SYTL3: variants seen among roughly 807,000 people sequenced by gnomAD.
SYTL3 encodes the protein synaptotagmin like 3, also known as synaptotagmin-like protein 3.
Under a neutral mutation model 82.1 loss-of-function variants are expected in SYTL3, and 88 were observed. The ratio of observed to expected loss-of-function variants is 1.07; its 90% CI spans 0.90 to 1.28. The LOEUF (loss-of-function observed/expected upper bound fraction) is 1.28. Among genes scored for constraint, SYTL3 ranks in the 50% most tolerant of loss-of-function variants. The pLI is 0.00. For missense variants in SYTL3, 831 were observed against 757.6 expected (o/e 1.10, Z -1.14); for synonymous variants, 311 against 289.4 (o/e 1.07, Z -0.76).
rs766121642 is a variant in SYTL3, at chr6:158,665,567, C to A, written c.283C>A (p.Leu95Met). 148 of 1,580,338 alleles carry A rather than the reference C, an allele frequency of 9.4e-5. 4 individuals carry two copies. In the South Asian group the frequency reaches 1.7e-3, roughly 18 times the overall value. ...CGTGTGTGCCCAGTGCCGAGTGTTC[C>A]TGAGGGGGACCCATGCCTGGAAGTG... ...HRVCAQCRVF[L>M]RGTHAWKCTV... is the part of the protein sequence containing the mutation. The change falls in exon 5 of 18, where the codon CTG becomes ATG. Residue 95 changes from leucine to methionine, a missense_variant. By Grantham distance (15) the Leu-to-Met change is conservative. Coordinates refer to ENST00000611299, the MANE Select transcript of SYTL3 (RefSeq NM_001242394.2).
chr6:158,701,009 A>G (rs1397739074), intron 6 of SYTL3, among the ~76,000 whole-genome samples: 1 of 152,228 alleles, frequency 6.6e-6, no homozygotes, highest in Non-Finnish European at 1.5e-5. Flanking sequence ...GTCCTCAAAA[A>G]GGGGAGAGAC....
rs376317695 is a variant in SYTL3 at position 158,764,674 on chromosome 6, C to T, written c.*70C>T. ...GTGCGTCTGCAGAGGGGCTACGAAC[C>T]AGGTGCAGGGTCCCAGCTGGAGACC... On this transcript the variant is annotated 3_prime_UTR_variant, in exon 18 of 18. Transcript: ENST00000611299. The T allele has an allele frequency of 3.8e-5, 43 of 1,143,300 alleles. No individual in the cohort carries two copies. The East Asian group carries it at 4.7e-4, about 13-fold the overall frequency. 70.8% of individuals were successfully genotyped at this position (1,143,300 alleles called of 1,614,324 possible).
At chr6:158,738,887 A>C (rs1786546711) in intron 11 of SYTL3, among the ~76,000 whole-genome samples, 1 of 152,060 alleles carries the variant, frequency 6.6e-6, no homozygotes, top group African/African-American at 2.4e-5. Context: ...TGAACTCTTG[A>C]CCTCTAGCGA....
rs867885164 is a variant in SYTL3 at position 158,718,052 on chromosome 6, G to A, written c.596-35G>A. The A allele has an allele frequency of 3.4e-6, 5 of 1,482,242 alleles. No homozygotes were observed. The Middle Eastern group carries it at 5.3e-4, about 157-fold the overall frequency. The allele number at this position is 1,482,242 out of a possible 1,614,324, so 91.8% of individuals were successfully genotyped here. A position where few individuals can be genotyped will look rare whatever the true frequency, so the allele number is the denominator to read the frequency against. ...CCCACAAGTCTCAGCAAAGCTGCTT[G>A]TTCCCACCCATCAACCCTTGTGTTT... On this transcript the variant is annotated intron_variant, in intron 9 of 17. Transcript: ENST00000611299.
At chr6:158,738,709 G>C (rs1013612738) in intron 11 of SYTL3, among the ~76,000 whole-genome samples, 1 of 152,198 alleles carries the variant, frequency 6.6e-6, no homozygotes, top group Non-Finnish European at 1.5e-5. Context: ...CCAGGCTGGA[G>C]TACAGTGGTG....
intron 8 of SYTL3, among the ~76,000 whole-genome samples, chr6:158,713,281 G>T (rs1201168840): frequency 1.3e-5 from 2 of 152,122 alleles, no homozygotes; most frequent in African/African-American, 4.8e-5. Context: ...ATAAGGAAGT[G>T]AACTCCTTTC....
chr6:158,758,233 G>A (rs1789404521), intron 14 of SYTL3, among the ~76,000 whole-genome samples: 1 of 152,148 alleles, frequency 6.6e-6, no homozygotes, highest in South Asian at 2.1e-4. Context: ...AAGGTCAGGA[G>A]ATTGAGACCA....
chr6:158,685,889 C>T (rs1257768278), intron 6 of SYTL3, among the ~76,000 whole-genome samples: 1 of 152,208 alleles, frequency 6.6e-6, no homozygotes, highest in African/African-American at 2.4e-5. Flanking sequence ...AAGGTAGACT[C>T]TACCCTTTTC....
chr6:158,727,955 G>C (rs1301650301), intron 11 of SYTL3, among the ~76,000 whole-genome samples: 1 of 152,322 alleles, frequency 6.6e-6, no homozygotes, highest in South Asian at 2.1e-4. Flanking sequence ...GAACTTGGAA[G>C]TGATATTTTA....
chr6:158,696,433 G>T (rs74859389), intron 6 of SYTL3, among the ~76,000 whole-genome samples: 7,259 of 150,210 alleles, frequency 0.048, 483 homozygotes, highest in African/African-American at 0.15. Flanking sequence ...TTCATCTCCT[G>T]ACCTCGTGAT....
At chr6:158,668,204 C>G (rs903954863) in intron 5 of SYTL3, among the ~76,000 whole-genome samples, 3 of 148,222 alleles carry the variant, frequency 2.0e-5, no homozygotes, top group Admixed American at 1.4e-4. Flanking sequence ...TGCTAGGAGC[C>G]TTGTCCTGGG....
chr6:158,686,388 A>G (rs1202034320), intron 6 of SYTL3, among the ~76,000 whole-genome samples: 1 of 152,152 alleles, frequency 6.6e-6, no homozygotes, highest in African/African-American at 2.4e-5. Context: ...TGCTTCCTCA[A>G]ATGCCAGGGT....
intron 11 of SYTL3, among the ~76,000 whole-genome samples, chr6:158,739,802 A>G (rs1012575326): frequency 7.2e-5 from 11 of 152,084 alleles, no homozygotes; most frequent in African/African-American, 2.4e-4. Context: ...GGCATGAACC[A>G]TGGTATTTGG....
intron 13 of SYTL3, among the ~76,000 whole-genome samples, chr6:158,752,907 C>G (rs1788567993): frequency 6.6e-6 from 1 of 152,050 alleles, no homozygotes; most frequent in Non-Finnish European, 1.5e-5. Context: ...TGGCCAAGTG[C>G]TTTATATACA....
intron 13 of SYTL3, among the ~76,000 whole-genome samples, chr6:158,754,641 A>G (rs1788834079): frequency 6.6e-6 from 1 of 152,246 alleles, no homozygotes; most frequent in Non-Finnish European, 1.5e-5. Context: ...AATGGCGTGA[A>G]CCTGGAAGGC....
intron 6 of SYTL3, 64 bp downstream of exon 6, chr6:158,683,053 G>C (rs142625913): frequency 7.9e-7 from 1 of 1,261,322 alleles, no homozygotes; most frequent in East Asian, 2.4e-5. Context: ...AATATTTGAT[G>C]TTAAGACTTT....
intron 6 of SYTL3, among the ~76,000 whole-genome samples, chr6:158,696,556 A>G (rs568065626): frequency 6.6e-6 from 1 of 152,038 alleles, no homozygotes; most frequent in African/African-American, 2.4e-5. Context: ...AGCCACCCTA[A>G]TGGGTGTGAA....
intron 11 of SYTL3, among the ~76,000 whole-genome samples, chr6:158,732,956 A>G (rs897653851): frequency 9.0e-6 from 1 of 110,706 alleles, no homozygotes; most frequent in African/African-American, 5.7e-5. Flanking sequence ...TTTAAAAAGA[A>G]AAAAAAAAAA....
At position 158,764,095 on chromosome 6, in the gene SYTL3, T is replaced by C. The variant is rs1372401776; in HGVS notation, c.1724-400T>C. Among the ~76,000 whole-genome samples, 3 of 152,244 alleles carry C rather than the reference T, an allele frequency of 2.0e-5. No individual in the cohort carries two copies. The East Asian group carries it at 5.8e-4, about 29-fold the overall frequency. On this transcript the variant is annotated intron_variant, in intron 17 of 17. Transcript: ENST00000611299. The stretch of plus-strand genomic sequence containing the variant: ...CTGCTCCATTGCTTTTCAAAGATAT[T>C]TTGTCCAAAGCATACTGTCTTCCTC...
Sources: gnomAD v4.1 joint callset for allele counts (sites outside exome capture counted in the v4.1 genomes callset) on GRCh38, gnomAD v4.1.1 for gene constraint, MANE v1.5 for transcripts, NCBI Gene and HGNC (gene_info 2026-07-23, HGNC 2026-07-21) for gene names.